NPRL3: variants seen among roughly 807,000 people sequenced by gnomAD.
NPRL3 encodes GATOR1 complex protein NPRL3.
A neutral mutation model predicts 57.2 loss-of-function variants in NPRL3; 23 were observed. The observed-to-expected ratio is 0.40, with a 90% confidence interval of 0.29 to 0.57. The LOEUF (loss-of-function observed/expected upper bound fraction) is 0.57, where lower values mean the gene tolerates loss of function less well. NPRL3 is among the 20% of genes least tolerant of loss of function. The probability of loss-of-function intolerance (pLI) is 0.42; values close to 1 mark genes in which losing one functional copy is unlikely to be tolerated. For missense variants in NPRL3, 691 were observed against 767.1 expected (o/e 0.90, Z 1.17); for synonymous variants, 333 against 321.1 (o/e 1.04, Z -0.39).
chr16:127,954 C>T (rs929457844), intron 3 of NPRL3, among the ~76,000 whole-genome samples: 20 of 151,354 alleles, frequency 1.3e-4, no homozygotes, highest in South Asian at 4.2e-4. Flanking sequence ...TGCGCCCGGC[C>T]GCAAGTGAAT....
chr16:120,558 C>G lies in NPRL3; in HGVS notation c.189-1303G>C, dbSNP rs571407299. On this transcript the variant is annotated intron_variant, in intron 3 of 13. Transcript: ENST00000611875. The stretch of plus-strand genomic sequence containing the variant: ...TTTTCCAGCCTTCCTCCTGAACTGG[C>G]ACGACCCTCTAACCATCCGAAGTCA... Among the ~76,000 whole-genome samples the G allele has an allele frequency of 1.6e-3, 246 of 152,330 alleles. 1 individual carries two copies. Among genetic ancestry groups the G allele is most frequent in the Non-Finnish European group, 2.8e-3 (193 of 68,034 alleles).
In NPRL3 at chr16:130,530, G is replaced by A. The variant is rs75187722; in HGVS notation, c.180C>T (p.Gly60=). 0.017 allele frequency: 26,678 copies of A among 1,552,006 alleles called. 414 individuals are homozygous for A. The highest frequency in any genetic ancestry group is 0.072 in the East Asian group (2,958 of 41,114). Residue 60 remains glycine (G), a synonymous_variant, in exon 3 of 14, where the codon GGC becomes GGT. Coordinates refer to ENST00000611875, the MANE Select transcript of NPRL3 (RefSeq NM_001077350.3). ...NTGDHADEQD[G]DSRFSDVILA... ...GGCCGCAGAGCCTTTACCTGGAATC[G>A]CCGTCCTGCTCATCAGCATGGTCGC...
chr16:117,554 A>C (rs1037233297), intron 4 of NPRL3, among the ~76,000 whole-genome samples, 179 bp from the exon 5 acceptor site: 2 of 152,196 alleles, frequency 1.3e-5, no homozygotes, highest in African/African-American at 4.8e-5. Context: ...CAACTATGAC[A>C]AGAGTGGGAA....
chr16:106,631 A>T (rs1480866420), intron 7 of NPRL3, among the ~76,000 whole-genome samples: 44 of 38,650 alleles, frequency 1.1e-3, no homozygotes, highest in South Asian at 1.9e-3. Context: ...CCTTAAATTA[A>T]AAAAAAAAAA....
chr16:134,923 G>A (rs374397283), intron 2 of NPRL3, among the ~76,000 whole-genome samples: 2 of 151,476 alleles, frequency 1.3e-5, no homozygotes, highest in African/African-American at 4.8e-5. Context: ...GGATGGTCTC[G>A]ATCTCCTGAC....
chr16:136,423 CTCACGCCTGTAA>C (rs1217109348), intron 2 of NPRL3, among the ~76,000 whole-genome samples: 1 of 152,194 alleles, frequency 6.6e-6, no homozygotes, highest in Non-Finnish European at 1.5e-5. Flanking sequence ...GGCGCGGTGG[CTCACGCCTGTAA>C]TCCCAGCACT....
At chr16:127,793 T>G (rs562363605) in intron 3 of NPRL3, among the ~76,000 whole-genome samples, 225 of 151,650 alleles carry the variant, frequency 1.5e-3, no homozygotes, top group Non-Finnish European at 2.2e-3. Context: ...TAGCTGGGAC[T>G]ACAGGCGCCC....
At chr16:100,708 G>A (rs536798948) in intron 7 of NPRL3, among the ~76,000 whole-genome samples, 199 bp from the exon 8 acceptor site, 2 of 68,362 alleles carry the variant, frequency 2.9e-5, no homozygotes, top group African/African-American at 7.2e-5. Flanking sequence ...GGTGGCTCAT[G>A]CCTGTAATCC....
chr16:112,803 C>A, intron 5 of NPRL3, 28 bp from the exon 6 acceptor site: 1 of 1,549,092 alleles, frequency 6.5e-7, no homozygotes, highest in South Asian at 1.2e-5. Flanking sequence ...TACACAGACT[C>A]AAACGTGTGC....
At chr16:87,985 T>C (rs1898572843) in intron 13 of NPRL3, among the ~76,000 whole-genome samples, 1 of 151,976 alleles carries the variant, frequency 6.6e-6, no homozygotes, top group Non-Finnish European at 1.5e-5. Context: ...CTGGACCAGC[T>C]GCTCAGAAGA....
At chr16:113,893 C>T (rs186672002) in intron 5 of NPRL3, among the ~76,000 whole-genome samples, 17 of 152,308 alleles carry the variant, frequency 1.1e-4, no homozygotes, top group Non-Finnish European at 2.1e-4. Flanking sequence ...AGAACTCACA[C>T]CTGGATGGAC....
intron 6 of NPRL3, among the ~76,000 whole-genome samples, chr16:111,459 T>A (rs1899810307): frequency 6.6e-6 from 1 of 151,916 alleles, no homozygotes; most frequent in Non-Finnish European, 1.5e-5. Flanking sequence ...TTTATTTATT[T>A]TTTTTTTGAG....
At chr16:92,883 C>T in intron 10 of NPRL3, 158 bp from the exon 11 acceptor site, 1 of 880,886 alleles carries the variant, frequency 1.1e-6, no homozygotes, top group Non-Finnish European at 1.7e-6. Flanking sequence ...TCCAGGTGGA[C>T]AGAGCCTGGG....
At chr16:110,650 C>A (rs377354383) in intron 6 of NPRL3, 44 bp from the exon 7 acceptor site, 3 of 1,499,566 alleles carry the variant, frequency 2.0e-6, no homozygotes, top group East Asian at 2.4e-5. Flanking sequence ...CGGGTTCAAG[C>A]GATTCTCCTG....
At chr16:136,498 G>A (rs1311735538) in intron 2 of NPRL3, among the ~76,000 whole-genome samples, 27 of 151,770 alleles carry the variant, frequency 1.8e-4, no homozygotes, top group Admixed American at 5.3e-4. Flanking sequence ...GACCAGCCTG[G>A]CCAACATGGT....
intron 4 of NPRL3, among the ~76,000 whole-genome samples, chr16:118,239 G>A (rs183260461): frequency 4.9e-4 from 75 of 152,292 alleles, no homozygotes; most frequent in African/African-American, 1.7e-3. Flanking sequence ...CGACCCTTCA[G>A]AATCTTAGTA....
chr16:128,660 C>T (rs1005408904), intron 3 of NPRL3, among the ~76,000 whole-genome samples: 1 of 152,228 alleles, frequency 6.6e-6, no homozygotes, highest in East Asian at 1.9e-4. Flanking sequence ...CCCAGCTACT[C>T]CGGAGGCTGA....
intron 10 of NPRL3, 180 bp from the exon 11 acceptor site, chr16:92,905 G>T: frequency 1.4e-6 from 1 of 712,224 alleles, no homozygotes; most frequent in Non-Finnish European, 2.3e-6. Flanking sequence ...ACTTCCCCTT[G>T]AGCAGCAGCA....
intron 7 of NPRL3, among the ~76,000 whole-genome samples, chr16:104,415 A>G (rs1415000474): frequency 6.6e-6 from 1 of 152,178 alleles, no homozygotes; most frequent in Non-Finnish European, 1.5e-5. Context: ...ACCTCATGGA[A>G]AGCCAGGAAC....
Sources: gnomAD v4.1 joint callset for allele counts (sites outside exome capture counted in the v4.1 genomes callset) on GRCh38, gnomAD v4.1.1 for gene constraint, MANE v1.5 for transcripts, NCBI Gene and HGNC (gene_info 2026-07-23, HGNC 2026-07-21) for gene names.